DHRS4L2: variants seen among roughly 807,000 people sequenced by gnomAD.
DHRS4L2 encodes dehydrogenase/reductase 4 like 2.
DHRS4L2 carries 22 observed loss-of-function variants against 23.9 expected under a neutral mutation model. The ratio of observed to expected loss-of-function variants is 0.92; its 90% CI spans 0.66 to 1.31. The LOEUF (loss-of-function observed/expected upper bound fraction) is 1.31. Among genes scored for constraint, DHRS4L2 ranks in the 40% most tolerant of loss-of-function variants. DHRS4L2 has a pLI of 0.00. For synonymous variants in DHRS4L2, 141 were observed against 123.7 expected (o/e 1.14, Z -0.93); for missense variants, 385 against 303.3 (o/e 1.27, Z -2.00).
intron 3 of DHRS4L2, among the ~76,000 whole-genome samples, chr14:23,999,344 T>TAAAAAAAAA (rs71426825): frequency 5.6e-5 from 3 of 53,678 alleles, no homozygotes; most frequent in Non-Finnish European, 9.5e-5. Context: ...CTCCAATTTG[T>TAAAAAAAAA]AAAAAAAAAA....
intron 1 of DHRS4L2, among the ~76,000 whole-genome samples, chr14:23,973,152 G>C (rs1195889606): frequency 1.3e-5 from 2 of 151,958 alleles, no homozygotes; most frequent in Admixed American, 1.3e-4. Flanking sequence ...GACCCTTTAT[G>C]GGTGTCAGGC....
At chr14:23,973,548 G>T (rs990963157) in intron 1 of DHRS4L2, among the ~76,000 whole-genome samples, 17 of 151,814 alleles carry the variant, frequency 1.1e-4, no homozygotes, top group Non-Finnish European at 1.9e-4. Context: ...TCAAAGGGAT[G>T]GAGGAAGATC....
At chr14:24,000,020 AT>A (rs2034456640) in intron 3 of DHRS4L2, among the ~76,000 whole-genome samples, 1 of 137,196 alleles carries the variant, frequency 7.3e-6, no homozygotes, top group South Asian at 2.2e-4. Context: ...TTTAATTTAC[AT>A]TTTTTTATTT....
upstream of DHRS4L2, among the ~76,000 whole-genome samples, chr14:23,986,400 C>A (rs962160054): frequency 6.6e-6 from 1 of 150,688 alleles, no homozygotes; most frequent in African/African-American, 2.4e-5. Flanking sequence ...GGAGGAATAC[C>A]GAATGTAAAT....
upstream of DHRS4L2, among the ~76,000 whole-genome samples, chr14:23,986,131 A>G (rs1374966802): frequency 6.6e-6 from 1 of 151,530 alleles, no homozygotes; most frequent in Non-Finnish European, 1.5e-5. Context: ...TGCTGGGATT[A>G]CAGGCATGAG....
At chr14:23,988,050 C>T (rs1422322487), upstream of DHRS4L2, among the ~76,000 whole-genome samples, 4 of 151,568 alleles carry the variant, frequency 2.6e-5, no homozygotes, top group Non-Finnish European at 5.9e-5. Context: ...GATGAAGAGT[C>T]TGGCCCAGGG....
intron 1 of DHRS4L2, among the ~76,000 whole-genome samples, chr14:23,972,492 A>C (rs141731696): frequency 1.1e-3 from 166 of 152,112 alleles, no homozygotes; most frequent in African/African-American, 3.6e-3. Context: ...AAGAGTGAGC[A>C]GCAGCAAGAT....
intron 1 of DHRS4L2, among the ~76,000 whole-genome samples, chr14:23,970,710 G>A (rs931153329): frequency 2.0e-5 from 3 of 151,998 alleles, no homozygotes; most frequent in African/African-American, 4.8e-5. Flanking sequence ...GAAAAACACC[G>A]ACCAGTAGGG....
At chr14:23,994,627 G>T (rs375296508) in intron 2 of DHRS4L2, among the ~76,000 whole-genome samples, 2 of 151,662 alleles carry the variant, frequency 1.3e-5, no homozygotes. Context: ...GGTCAAGGCT[G>T]CAGTGAGCTG....
chr14:23,980,924 T>TGGA (rs2034039642), intron 1 of DHRS4L2, among the ~76,000 whole-genome samples: 1 of 151,690 alleles, frequency 6.6e-6, no homozygotes, highest in African/African-American at 2.4e-5. Context: ...TCACCACTCC[T>TGGA]ATTCAACATA....
At chr14:23,982,598 A>G (rs573321422) in intron 1 of DHRS4L2, among the ~76,000 whole-genome samples, 2 of 151,688 alleles carry the variant, frequency 1.3e-5, no homozygotes, top group South Asian at 4.2e-4. Context: ...TAATAGTACC[A>G]AACAGATATC....
At chr14:23,982,485 C>T (rs1339133102) in intron 1 of DHRS4L2, among the ~76,000 whole-genome samples, 2 of 151,362 alleles carry the variant, frequency 1.3e-5, no homozygotes, top group South Asian at 2.1e-4. Flanking sequence ...TTTCTTTTCC[C>T]TACATATAGC....
intron 6 of DHRS4L2, among the ~76,000 whole-genome samples, chr14:24,001,753 C>T (rs918903572): frequency 8.6e-6 from 1 of 115,900 alleles, no homozygotes; most frequent in Non-Finnish European, 1.6e-5. Flanking sequence ...CTGTTTCCTC[C>T]CTCCTTACAT....
upstream of DHRS4L2, among the ~76,000 whole-genome samples, chr14:23,986,522 AAAG>A (rs2034144321): frequency 7.5e-6 from 1 of 132,546 alleles, no homozygotes; most frequent in African/African-American, 2.8e-5. Context: ...AAAAAAAAAG[AAAG>A]AAAGAAAGAA....
intron 1 of DHRS4L2, among the ~76,000 whole-genome samples, chr14:23,989,401 A>G (rs1372726904): frequency 2.6e-5 from 4 of 151,666 alleles, no homozygotes; most frequent in Non-Finnish European, 4.4e-5. Flanking sequence ...ATGCAAGGGA[A>G]TCTGGATTCA....
chr14:23,984,758 G>A (rs1287947213), upstream of DHRS4L2, among the ~76,000 whole-genome samples: 1 of 127,760 alleles, frequency 7.8e-6, no homozygotes, highest in Non-Finnish European at 1.5e-5. Flanking sequence ...AGTGAGCCAA[G>A]ATTGTGCCAC....
At chr14:23,987,556 C>T (rs548811937), upstream of DHRS4L2, among the ~76,000 whole-genome samples, 217 of 148,804 alleles carry the variant, frequency 1.5e-3, 5 homozygotes, top group African/African-American at 1.7e-3. Context: ...TCTTTCCCCT[C>T]TAATTGTAGG....
intron 1 of DHRS4L2, among the ~76,000 whole-genome samples, chr14:23,977,106 TAAA>T (rs912739687): frequency 6.6e-6 from 1 of 151,830 alleles, no homozygotes; most frequent in Admixed American, 6.6e-5. Context: ...AGTATAATAA[TAAA>T]AAAAGAAATT....
chr14:23,997,024 G>T (rs1192823269), intron 3 of DHRS4L2, among the ~76,000 whole-genome samples: 1 of 149,988 alleles, frequency 6.7e-6, no homozygotes, highest in Admixed American at 6.6e-5. Flanking sequence ...CTAAGTACAG[G>T]CACGCCTCAG....
Sources: allele counts gnomAD v4.1 joint callset (sites outside exome capture counted in the v4.1 genomes callset), GRCh38; gene constraint gnomAD v4.1.1; transcripts MANE v1.5; gene names NCBI Gene and HGNC (gene_info 2026-07-23, HGNC 2026-07-21).